Variants in SI observed in about 807,000 individuals in gnomAD.
SI encodes the protein sucrase-isomaltase, intestinal.
A neutral mutation model predicts 253.3 loss-of-function variants in SI; 235 were observed. The observed-to-expected ratio is 0.93, with a 90% CI of 0.83 to 1.03. The LOEUF is 1.03. Ranked by LOEUF, SI falls within the 50% of genes least tolerant of loss-of-function variation. SI has a pLI of 0.00. For missense variants in SI, 2,442 were observed against 2,211.1 expected (o/e 1.10, Z -2.09); for synonymous variants, 819 against 712.0 (o/e 1.15, Z -2.39).
chr3:165,047,739 A>G (rs1713197685), intron 15 of SI, among the ~76,000 whole-genome samples: 1 of 151,934 alleles, frequency 6.6e-6, no homozygotes, highest in South Asian at 2.1e-4. Flanking sequence ...CTGAACTTGA[A>G]CCTAATACAT....
intron 37 of SI, among the ~76,000 whole-genome samples, chr3:165,001,160 G>T (rs900821505): frequency 2.0e-5 from 3 of 151,168 alleles, no homozygotes; most frequent in Non-Finnish European, 3.0e-5. Context: ...AATTACTGAT[G>T]AAATCAATTT....
intron 25 of SI, among the ~76,000 whole-genome samples, chr3:165,030,371 C>T (rs963388791): frequency 3.3e-5 from 5 of 150,914 alleles, no homozygotes; most frequent in Non-Finnish European, 7.4e-5. Context: ...GTGTCCACTA[C>T]TGGCATATCT....
chr3:165,012,595 T>A (rs771298669), intron 34 of SI, among the ~76,000 whole-genome samples: 21 of 104,682 alleles, frequency 2.0e-4, no homozygotes, highest in Non-Finnish European at 3.7e-4. Context: ...CGCCTGGTTA[T>A]TTTTTTTTGT....
chr3:165,004,943 C>T (rs1474824078), intron 37 of SI, among the ~76,000 whole-genome samples: 2 of 151,992 alleles, frequency 1.3e-5, no homozygotes, highest in African/African-American at 4.8e-5. Context: ...GGGCGGTTTC[C>T]CCTACGCTAT....
intron 21 of SI, among the ~76,000 whole-genome samples, chr3:165,037,046 A>G (rs1712573799): frequency 1.3e-5 from 2 of 151,764 alleles, no homozygotes; most frequent in Admixed American, 6.6e-5. Context: ...TGCATTTACC[A>G]AAGTGTTTGT....
chr3:165,051,425 T>C (rs1450763335), intron 13 of SI, among the ~76,000 whole-genome samples: 5 of 152,070 alleles, frequency 3.3e-5, no homozygotes, highest in Non-Finnish European at 7.4e-5. Flanking sequence ...TATCTAAAGC[T>C]ACATTGAGTT....
chr3:164,987,923 A>G (rs979163967), intron 44 of SI, among the ~76,000 whole-genome samples: 2 of 152,184 alleles, frequency 1.3e-5, no homozygotes, highest in African/African-American at 4.8e-5. Context: ...TTCTGACTTA[A>G]GCCTTCCTCA....
At chr3:165,045,921 C>G (rs1306584223) in intron 16 of SI, among the ~76,000 whole-genome samples, 4 of 150,536 alleles carry the variant, frequency 2.7e-5, no homozygotes, top group Admixed American at 6.7e-5. Flanking sequence ...GCAACCTCCA[C>G]CTCCCAGGTT....
chr3:165,015,822 A>C lies in SI; in HGVS notation c.3888+130T>G, dbSNP rs879065004. On this transcript the variant is annotated intron_variant, in intron 32 of 47. Transcript: ENST00000264382. The stretch of plus-strand genomic sequence containing the variant: ...ATAAAATGAAGTGCTAAAGGAAGAG[A>C]GTTTTAGATTTGGGAGTGTTACTCA... 48 of 806,710 alleles carry C rather than the reference A, an allele frequency of 6.0e-5. No individual in the cohort carries two copies. The South Asian group carries it at 6.6e-4, about 11-fold the overall frequency. 50.0% of individuals were successfully genotyped at this position (806,710 alleles called of 1,614,324 possible).
chr3:165,042,678 T>C (rs1434654294), intron 17 of SI, among the ~76,000 whole-genome samples: 1 of 152,122 alleles, frequency 6.6e-6, no homozygotes, highest in Non-Finnish European at 1.5e-5. Flanking sequence ...TCAAAATCCA[T>C]GACAGTATAT....
chr3:165,044,090 A>G lies in SI; in HGVS notation c.1888-915T>C, dbSNP rs368549065. 1.7e-4 allele frequency among the ~76,000 whole-genome samples: 26 copies of G among 152,136 alleles called. 1 individual carries two copies. The South Asian group carries it at 4.6e-3, about 27-fold the overall frequency. On this transcript the variant is annotated intron_variant, in intron 16 of 47. Coordinates refer to ENST00000264382, the MANE Select transcript of SI (RefSeq NM_001041.4). The stretch of plus-strand genomic sequence containing the variant: ...TCAAAACTGTTTCCTGAACAAAATT[A>G]TATAAAATTACCTTCAAACTATGTG...
At chr3:165,034,435 G>A (rs374852759) in intron 22 of SI, among the ~76,000 whole-genome samples, 116 of 151,976 alleles carry the variant, frequency 7.6e-4, no homozygotes, top group African/African-American at 2.7e-3. Context: ...TATCAATGGA[G>A]GTATTATCTC....
At chr3:165,062,228 T>C in intron 9 of SI, 143 bp downstream of exon 9, 1 of 610,002 alleles carries the variant, frequency 1.6e-6, no homozygotes, top group Non-Finnish European at 2.9e-6. Flanking sequence ...AACACCCAGC[T>C]GCATCTTAAA....
At chr3:165,032,428 C>G in intron 24 of SI, 94 bp downstream of exon 24, 14 of 813,420 alleles carry the variant, frequency 1.7e-5, no homozygotes, top group Non-Finnish European at 2.8e-5. Flanking sequence ...GGAATACACA[C>G]TGTGAGGAGA....
chr3:164,991,849 C>G (rs1343184069), intron 43 of SI, among the ~76,000 whole-genome samples: 1 of 151,922 alleles, frequency 6.6e-6, no homozygotes, highest in Non-Finnish European at 1.5e-5. Flanking sequence ...GCTTGACTTG[C>G]CATGTACATT....
At chr3:165,042,986 A>G in intron 17 of SI, 73 bp downstream of exon 17, 2 of 918,572 alleles carry the variant, frequency 2.2e-6, no homozygotes, top group South Asian at 1.3e-5. Context: ...TACTCTATAG[A>G]TTTAATTTAA....
chr3:165,059,855 A>G (rs1284194457), intron 10 of SI, 47 bp downstream of exon 10: 3 of 1,581,460 alleles, frequency 1.9e-6, no homozygotes, highest in Non-Finnish European at 2.6e-6. Context: ...ATTATGTGAC[A>G]ATATTTAACT....
intron 45 of SI, 118 bp downstream of exon 45, chr3:164,987,020 G>A (rs1001696577): frequency 1.1e-5 from 9 of 817,870 alleles, no homozygotes; most frequent in Non-Finnish European, 1.9e-5. Flanking sequence ...AAATCTTTTA[G>A]CCTTGAATAA....
At chr3:164,989,953 T>C (rs1248407849) in intron 44 of SI, among the ~76,000 whole-genome samples, 1 of 152,144 alleles carries the variant, frequency 6.6e-6, no homozygotes, top group Admixed American at 6.5e-5. Flanking sequence ...ACACAAAGGA[T>C]GTTTAGGTCA....
Sources: allele counts gnomAD v4.1 joint callset (sites outside exome capture counted in the v4.1 genomes callset), GRCh38; gene constraint gnomAD v4.1.1; transcripts MANE v1.5; gene names NCBI Gene and HGNC (gene_info 2026-07-23, HGNC 2026-07-21).